The following CACNA1S variants were observed in gnomAD, a reference collection of about 807,000 sequenced individuals.
CACNA1S encodes the protein voltage-dependent L-type calcium channel subunit alpha-1S.
In CACNA1S, 126 loss-of-function variants were observed where a neutral mutation model predicts 207.4. The ratio of observed to expected loss-of-function variants is 0.61; its 90% CI spans 0.53 to 0.70. The LOEUF (loss-of-function observed/expected upper bound fraction) is 0.70, where lower values mean the gene tolerates loss of function less well. Ranked by LOEUF, CACNA1S falls within the 30% of genes least tolerant of loss-of-function variation. CACNA1S has a pLI of 0.00. For synonymous variants in CACNA1S, 960 were observed against 932.7 expected (o/e 1.03, Z -0.53); for missense variants, 2,349 against 2,422.8 (o/e 0.97, Z 0.64).
chr1:201,108,985 C>T (rs1172525427), intron 2 of CACNA1S, among the ~76,000 whole-genome samples: 1 of 152,214 alleles, frequency 6.6e-6, no homozygotes, highest in Non-Finnish European at 1.5e-5. Flanking sequence ...TGGTGGCTCA[C>T]ACCTATAATC....
Position 201,070,317 on chromosome 1 carries a change from G to C in CACNA1S, c.2315C>G (p.Pro772Arg). The part of the protein sequence containing the change: ...AELQLKEKAV[P>R]IPEASSFFIF... ...GAAGAAGGAGCTGGCTTCTGGAATG[G>C]GCACGGCCTTCTCTTTCAGCTGCAG... is the stretch of plus-strand genomic sequence containing the variant. Residue 772 changes from proline (P) to arginine (R), a missense_variant, in exon 17 of 44, where the codon CCC becomes CGC. Physicochemically the swap from Pro to Arg is moderately radical, Grantham distance 103 (BLOSUM62 -2). Coordinates refer to ENST00000362061, the MANE Select transcript of CACNA1S (RefSeq NM_000069.3). 2 of 1,614,118 alleles carry C rather than the reference G, an allele frequency of 1.2e-6. No homozygotes were observed. The highest frequency in any genetic ancestry group is 1.7e-6 in the Non-Finnish European group (2 of 1,180,034).
Position 201,061,980 on chromosome 1 carries a change from G to T in CACNA1S, c.3017C>A (p.Ser1006Tyr), listed in dbSNP as rs1365265382. 6.2e-7 allele frequency: 1 copy of T among 1,614,224 alleles called. No homozygotes were observed. ...CTCGAAGGTGGAGACCGTGAAGAGG[G>T]ACATCATGGCTGAGAGCACATTGTC... ...HFDNVLSAMM[S>Y]LFTVSTFEGW... is the part of the protein sequence containing the mutation. Residue 1006 changes from serine to tyrosine, a missense_variant, in exon 24 of 44, where the codon TCC becomes TAC. Ser to Tyr is a moderately radical substitution (Grantham distance 144, BLOSUM62 -2). Transcript: ENST00000362061.
In CACNA1S at chr1:201,048,896, G is replaced by A. The variant is rs1023578546; in HGVS notation, c.4338+107C>T. On this transcript the variant is annotated intron_variant, in intron 35 of 43. Coordinates refer to ENST00000362061, the MANE Select transcript of CACNA1S (RefSeq NM_000069.3). The stretch of plus-strand genomic sequence containing the variant: ...TTGGGAGGAACTTGGGGACCCAGGA[G>A]ATCCCGGCTCTACAATGCTTCACTC... 5.2e-6 allele frequency: 5 copies of A among 963,332 alleles called. No individual in the cohort carries two copies. The Admixed American group carries it at 9.8e-5, about 19-fold the overall frequency. 59.7% of individuals were successfully genotyped at this position (963,332 alleles called of 1,614,324 possible).
intron 2 of CACNA1S, among the ~76,000 whole-genome samples, chr1:201,099,568 G>A (rs12404542): frequency 0.07 from 10,672 of 152,218 alleles, 504 homozygotes; most frequent in Non-Finnish European, 0.1. Context: ...ACTCTTTAAG[G>A]CACGTGTGCT....
At chr1:201,052,032 G>A (rs543781257) in intron 32 of CACNA1S, among the ~76,000 whole-genome samples, 24 of 152,238 alleles carry the variant, frequency 1.6e-4, no homozygotes, top group Admixed American at 1.6e-3. Flanking sequence ...TTCCACTGTG[G>A]GCCAGGAAGC....
In CACNA1S at chr1:201,039,938, G is replaced by A. The variant is rs149547196; in HGVS notation, c.5515C>T (p.Pro1839Ser). 5,052 of 1,614,144 alleles carry A rather than the reference G, an allele frequency of 3.1e-3. 10 individuals carry two copies. Among genetic ancestry groups the A allele is most frequent in the Admixed American group, 4.5e-3 (273 of 60,034 alleles). The change falls in exon 44 of 44, where the codon CCA becomes TCA. Residue 1839 changes from proline (P) to serine (S), a missense_variant. Physicochemically the swap from Pro to Ser is moderately conservative, Grantham distance 74 (BLOSUM62 -1). Transcript: ENST00000362061. ...CCCAGGGAGCTGGCCATGCCCTCTG[G>A]GGCCTCTCGTCCTTTCAGTAGCTCT... ...ATELLKGREA[P>S]EGMASSLGCL...
chr1:201,089,672 G>A (rs190789576), intron 5 of CACNA1S, among the ~76,000 whole-genome samples: 31 of 152,358 alleles, frequency 2.0e-4, no homozygotes, highest in African/African-American at 6.7e-4. Flanking sequence ...CGGGAATTAT[G>A]TCTTGGGCCC....
chr1:201,069,546 G>A lies in CACNA1S; in HGVS notation c.2416C>T (p.Leu806=). The change falls in exon 18 of 44, where the codon CTG becomes TTG. Residue 806 remains leucine (L), a synonymous_variant. Transcript: ENST00000362061. ...GCGCTGCTGAGCAGGATGAAGAGCA[G>A]GATGAAGTTGGTAAACCAGGTGGCA... ...VNATWFTNFI[L]LFILLSSAAL... is the part of the protein sequence containing the mutation. 1 of 1,579,412 alleles carries A rather than the reference G, an allele frequency of 6.3e-7. No homozygotes were observed. The highest frequency in any genetic ancestry group is 8.6e-7 in the Non-Finnish European group (1 of 1,163,342).
rs151005797 is a variant in CACNA1S, at chr1:201,089,404, G to A, written c.754C>T (p.Arg252Cys). Reference sequence around the variant, plus strand: ...TCACTGCCATTGATGGTGCACCGGCGCCCTGAGCCCGTCCTGGCGCAGGGC... The same window carrying A: ...TCACTGCCATTGATGGTGCACCGGCACCCTGAGCCCGTCCTGGCGCAGGGC... The part of the protein sequence containing the change: ...PSPCARTGSG[R>C]RCTINGSECR... The change falls in exon 6 of 44, where the codon CGC (arginine) becomes TGC (cysteine). Residue 252 changes from arginine (R) to cysteine (C), a missense_variant. Coordinates refer to ENST00000362061, the MANE Select transcript of CACNA1S (RefSeq NM_000069.3). 1.4e-5 allele frequency: 22 copies of A among 1,614,060 alleles called. No individual in the cohort carries two copies. Among genetic ancestry groups the A allele is most frequent in the African/African-American group, 1.2e-4 (9 of 74,946 alleles).
At position 201,070,245 on chromosome 1, in the gene CACNA1S, C is replaced by A. The variant is rs571989857; in HGVS notation, c.2360+27G>T. ...AAGCAGATGAGAGCCGCATCAATCA[C>A]CCCCACAGCAGCCAAGGGGCACCCA... is the stretch of plus-strand genomic sequence containing the variant. On this transcript the variant is annotated intron_variant, in intron 17 of 43. Coordinates refer to ENST00000362061, the MANE Select transcript of CACNA1S (RefSeq NM_000069.3). The A allele has an allele frequency of 7.1e-5, 115 of 1,613,544 alleles. 1 individual carries two copies. The highest frequency in any genetic ancestry group is 5.5e-4 in the South Asian group (50 of 91,082).
chr1:201,077,454 C>T (rs1251098712), intron 11 of CACNA1S, among the ~76,000 whole-genome samples: 1 of 152,222 alleles, frequency 6.6e-6, no homozygotes, highest in Non-Finnish European at 1.5e-5. Flanking sequence ...CCAGCTCATG[C>T]AAGTGACGGA....
At chr1:201,047,083 A>G in intron 38 of CACNA1S, 32 bp downstream of exon 38, 1 of 1,613,788 alleles carries the variant, frequency 6.2e-7, no homozygotes, top group Non-Finnish European at 8.5e-7. Context: ...TCAGTGGGGG[A>G]GCCCCTTGGA....
intron 38 of CACNA1S, 43 bp downstream of exon 38, chr1:201,047,072 C>A (rs774115193): frequency 1.9e-6 from 3 of 1,613,884 alleles, no homozygotes; most frequent in East Asian, 4.5e-5. Context: ...GGAGACCTGG[C>A]TCAGTGGGGG....
At chr1:201,109,110 T>A (rs1198196080) in intron 2 of CACNA1S, among the ~76,000 whole-genome samples, 1 of 152,090 alleles carries the variant, frequency 6.6e-6, no homozygotes, top group African/African-American at 2.4e-5. Flanking sequence ...TATCTGGGCA[T>A]GGTGGCAGGC....
At chr1:201,045,819 G>A (rs1388133136) in intron 38 of CACNA1S, among the ~76,000 whole-genome samples, 1 of 151,492 alleles carries the variant, frequency 6.6e-6, no homozygotes, top group Non-Finnish European at 1.5e-5. Context: ...GAATTATGCA[G>A]GATAACGCCC....
rs1661257268 is a variant in CACNA1S at position 201,066,751 on chromosome 1, CT to C, written c.2657+135del. ...AGCTGGTGACAACCCACAGGACCCC[CT>C]GCCTCCATCGGAGGCCCCGAGAGAC... On this transcript the variant is annotated intron_variant, in intron 20 of 43. Coordinates refer to ENST00000362061, the MANE Select transcript of CACNA1S (RefSeq NM_000069.3). The surrounding 1 kb of genome is among the most constrained non-coding windows in gnomAD (Gnocchi z 4.3). 18 of 711,862 alleles carry C rather than the reference CT, an allele frequency of 2.5e-5. No individual in the cohort carries two copies. In the South Asian group the frequency reaches 2.7e-4, roughly 11 times the overall value. 44.1% of individuals were successfully genotyped at this position (711,862 alleles called of 1,614,324 possible). A position where few individuals can be genotyped will look rare whatever the true frequency, so the allele number is the denominator to read the frequency against.
chr1:201,072,827 G>A lies in CACNA1S; in HGVS notation c.2158-3C>T. On this transcript the variant is annotated splice_polypyrimidine_tract_variant and splice_region_variant and intron_variant, in intron 15 of 43. Transcript: ENST00000362061. Reference sequence around the variant, plus strand: ...GATTCAAACTCATCGATTTTCAGCTGTAGGAAGGAACACAATGACTATAAC... The same window carrying A: ...GATTCAAACTCATCGATTTTCAGCTATAGGAAGGAACACAATGACTATAAC... The A allele has an allele frequency of 6.2e-7, 1 of 1,612,390 alleles. No individual in the cohort carries two copies. The highest frequency in any genetic ancestry group is 1.3e-5 in the African/African-American group (1 of 74,978).
chr1:201,084,569 G>A (rs182046353), intron 9 of CACNA1S, among the ~76,000 whole-genome samples: 3 of 152,164 alleles, frequency 2.0e-5, no homozygotes, highest in Admixed American at 6.5e-5. Context: ...AGGGGCTCCC[G>A]GTTTGTGCAG....
chr1:201,043,799 A>C (rs1660381740), intron 39 of CACNA1S, among the ~76,000 whole-genome samples: 1 of 152,002 alleles, frequency 6.6e-6, no homozygotes, highest in Non-Finnish European at 1.5e-5. Flanking sequence ...TAGGGGAGAG[A>C]GGGCTGAATC....
Sources: gnomAD v4.1 joint callset for allele counts (sites outside exome capture counted in the v4.1 genomes callset) on GRCh38, gnomAD v4.1.1 for gene constraint, Gnocchi (gnomAD v3.1) non-coding constraint, MANE v1.5 for transcripts, NCBI Gene and HGNC (gene_info 2026-07-23, HGNC 2026-07-21) for gene names.